RABGAP1L: variants seen among roughly 807,000 people sequenced by gnomAD.
RABGAP1L encodes the protein RAB GTPase activating protein 1 like.
Under a neutral mutation model 137.7 loss-of-function variants are expected in RABGAP1L, and 63 were observed. The ratio of observed to expected loss-of-function variants is 0.46; its 90% CI spans 0.37 to 0.56. The LOEUF is 0.56. Ranked by LOEUF, RABGAP1L falls within the 20% of genes least tolerant of loss-of-function variation. RABGAP1L has a pLI of 0.00. For synonymous variants in RABGAP1L, 431 were observed against 433.7 expected, an observed-to-expected ratio of 0.99 and a Z score of 0.08; for missense variants, 1,095 against 1,244.0, an observed-to-expected ratio of 0.88 and a Z score of 1.80.
At chr1:174,721,846 ACTC>A (rs1681563278) in intron 17 of RABGAP1L, among the ~76,000 whole-genome samples, 1 of 152,014 alleles carries the variant, frequency 6.6e-6, no homozygotes, top group Non-Finnish European at 1.5e-5. Flanking sequence ...ATCTAAAATT[ACTC>A]CTTTTTCTAA....
At chr1:174,927,695 G>A (rs1169579096) in intron 19 of RABGAP1L, among the ~76,000 whole-genome samples, 12 of 152,130 alleles carry the variant, frequency 7.9e-5, no homozygotes, top group Admixed American at 7.9e-4. Flanking sequence ...AGGACTATAG[G>A]TGCACACCAC....
intron 18 of RABGAP1L, among the ~76,000 whole-genome samples, chr1:174,757,985 T>G (rs1290805706): frequency 3.3e-5 from 5 of 149,610 alleles, no homozygotes; most frequent in Admixed American, 1.4e-4. Context: ...ATTGCACCAT[T>G]GCACTCCAGC....
intron 19 of RABGAP1L, among the ~76,000 whole-genome samples, chr1:174,835,772 A>T (rs1051483048): frequency 2.6e-5 from 4 of 152,226 alleles, no homozygotes; most frequent in Middle Eastern, 3.2e-3. Context: ...CATTTTTATT[A>T]GTATAGGCAT....
chr1:174,641,314 T>C (rs2148354755), intron 14 of RABGAP1L, among the ~76,000 whole-genome samples: 1 of 152,208 alleles, frequency 6.6e-6, no homozygotes, highest in East Asian at 1.9e-4. Flanking sequence ...AATGGCCCTG[T>C]CAATTCCAGT....
At chr1:174,815,385 C>T (rs1379560496) in intron 19 of RABGAP1L, among the ~76,000 whole-genome samples, 2 of 152,146 alleles carry the variant, frequency 1.3e-5, no homozygotes, top group Non-Finnish European at 2.9e-5. Context: ...AGTTTAACTC[C>T]TTATCCATAG....
chr1:174,698,583 A>G (rs1199751492), intron 15 of RABGAP1L, among the ~76,000 whole-genome samples: 1 of 152,202 alleles, frequency 6.6e-6, no homozygotes, highest in Non-Finnish European at 1.5e-5. Flanking sequence ...GCTTTATATG[A>G]TTAAAAAATT....
At chr1:174,748,736 G>T (rs1190908530) in intron 17 of RABGAP1L, among the ~76,000 whole-genome samples, 2 of 151,940 alleles carry the variant, frequency 1.3e-5, no homozygotes, top group African/African-American at 4.8e-5. Flanking sequence ...TTATCTGGGC[G>T]TGGTGGCATA....
intron 12 of RABGAP1L, among the ~76,000 whole-genome samples, chr1:174,389,313 G>A (rs1687040862): frequency 6.6e-6 from 1 of 151,234 alleles, no homozygotes; most frequent in East Asian, 2.0e-4. Flanking sequence ...TTTCAAATAG[G>A]TCATGCTGCT....
At chr1:174,343,962 CTGTAGCTG>C (rs1682210569) in intron 11 of RABGAP1L, among the ~76,000 whole-genome samples, 1 of 152,184 alleles carries the variant, frequency 6.6e-6, no homozygotes, top group Non-Finnish European at 1.5e-5. Flanking sequence ...TCTGCCAGCA[CTGTAGCTG>C]TGTAGCTGCT....
At chr1:174,375,280 C>G (rs1685428206) in intron 12 of RABGAP1L, among the ~76,000 whole-genome samples, 2 of 151,430 alleles carry the variant, frequency 1.3e-5, no homozygotes, top group South Asian at 2.1e-4. Flanking sequence ...TACTAGAAAA[C>G]AAGTCTGTCA....
At chr1:174,378,009 C>G (rs1477731699) in intron 12 of RABGAP1L, among the ~76,000 whole-genome samples, 1 of 137,838 alleles carries the variant, frequency 7.3e-6, no homozygotes, top group Non-Finnish European at 1.5e-5. Flanking sequence ...TTGTTCAATT[C>G]TCACCTATGA....
At chr1:174,429,655 C>T (rs1056355633) in intron 13 of RABGAP1L, among the ~76,000 whole-genome samples, 2 of 152,044 alleles carry the variant, frequency 1.3e-5, no homozygotes, top group African/African-American at 4.8e-5. Flanking sequence ...AGGAGAATCG[C>T]CTCAACCCGG....
chr1:174,516,928 A>AAAATAAATAAAT (rs147145926), intron 13 of RABGAP1L, among the ~76,000 whole-genome samples: 4,289 of 141,102 alleles, frequency 0.03, 82 homozygotes, highest in Admixed American at 0.039. Flanking sequence ...CTCTGTCTCA[A>AAAATAAATAAAT]AAATAAATAA....
chr1:174,197,439 C>G (rs1667774505), intron 1 of RABGAP1L, among the ~76,000 whole-genome samples: 2 of 152,132 alleles, frequency 1.3e-5, no homozygotes, highest in Non-Finnish European at 2.9e-5. Flanking sequence ...TTAGATCCCT[C>G]TTGGTGAAAG....
At chr1:174,364,094 A>G (rs961637500) in intron 11 of RABGAP1L, among the ~76,000 whole-genome samples, 2 of 151,836 alleles carry the variant, frequency 1.3e-5, no homozygotes, top group Admixed American at 6.6e-5. Context: ...GTTTTTCAGA[A>G]TAGTTTGAGT....
At position 174,990,687 on chromosome 1, in the gene RABGAP1L, G is replaced by A. The variant is rs1486727992; in HGVS notation, c.*686G>A. 6.6e-6 allele frequency: 1 copy of A among 152,014 alleles called. No individual in the cohort carries two copies. Among genetic ancestry groups the A allele is most frequent in the African/African-American group, 2.4e-5 (1 of 41,368 alleles). The allele number at this position is 152,014 out of a possible 1,614,324, so 9.4% of individuals were successfully genotyped here. A position where few individuals can be genotyped will look rare whatever the true frequency, so the allele number is the denominator to read the frequency against. On this transcript the variant is annotated 3_prime_UTR_variant, in exon 26 of 26. Transcript: ENST00000681986. ...TGTAGGTCAGGATCATTTGGGCTGT[G>A]GTATTCTAACAGATCCTTTTAAGAA...
At chr1:174,542,544 G>T (rs551957202) in intron 13 of RABGAP1L, among the ~76,000 whole-genome samples, 3 of 152,038 alleles carry the variant, frequency 2.0e-5, no homozygotes, top group Admixed American at 6.5e-5. Flanking sequence ...CAAAAAACCA[G>T]CTCCTGGATT....
At chr1:174,167,686 G>T (rs1383156127) in intron 1 of RABGAP1L, among the ~76,000 whole-genome samples, 1 of 152,116 alleles carries the variant, frequency 6.6e-6, no homozygotes, top group Non-Finnish European at 1.5e-5. Flanking sequence ...ATTATTAGCA[G>T]TAAGCAAAAT....
chr1:174,565,360 A>G (rs754684599), intron 13 of RABGAP1L, among the ~76,000 whole-genome samples: 1 of 152,184 alleles, frequency 6.6e-6, no homozygotes, highest in Non-Finnish European at 1.5e-5. Flanking sequence ...GACATACTAT[A>G]TCATCTATTC....
Sources: allele counts gnomAD v4.1 joint callset (sites outside exome capture counted in the v4.1 genomes callset), GRCh38; gene constraint gnomAD v4.1.1; transcripts MANE v1.5; gene names NCBI Gene and HGNC (gene_info 2026-07-23, HGNC 2026-07-21).